The following AK3 variants were observed in gnomAD, a reference collection of about 807,000 sequenced individuals.
AK3 encodes the protein GTP:AMP phosphotransferase AK3, mitochondrial.
A neutral mutation model predicts 23.7 loss-of-function variants in AK3; 27 were observed. That is an observed-to-expected ratio of 1.14 (90% CI 0.84 to 1.57). The LOEUF (loss-of-function observed/expected upper bound fraction) is 1.57. AK3 is among the 40% of genes most tolerant of loss of function. AK3 has a pLI of 0.00. For missense variants in AK3, 406 were observed against 285.6 expected (o/e 1.42, Z -3.04); for synonymous variants, 159 against 116.0 (o/e 1.37, Z -2.38).
chr9:4,733,505 C>A (rs921189486), intron 1 of AK3, among the ~76,000 whole-genome samples: 3 of 152,116 alleles, frequency 2.0e-5, no homozygotes, highest in Non-Finnish European at 4.4e-5. Context: ...CATACACAGA[C>A]CTTATAATAC....
intron 4 of AK3, among the ~76,000 whole-genome samples, chr9:4,715,103 T>C (rs1243367400): frequency 6.7e-6 from 1 of 150,142 alleles, no homozygotes; most frequent in African/African-American, 2.5e-5. Context: ...CCTGTAGTCC[T>C]AGCTACTGGG....
intron 4 of AK3, among the ~76,000 whole-genome samples, chr9:4,714,741 T>C (rs1478222031): frequency 6.6e-6 from 1 of 152,220 alleles, no homozygotes; most frequent in African/African-American, 2.4e-5. Flanking sequence ...CATCATGTTG[T>C]TTGTAAACAT....
chr9:4,734,374 T>C (rs1842222158), intron 1 of AK3, among the ~76,000 whole-genome samples: 1 of 152,218 alleles, frequency 6.6e-6, no homozygotes, highest in African/African-American at 2.4e-5. Flanking sequence ...CTAACACACA[T>C]GTCCATCTGC....
intron 3 of AK3, 126 bp from the exon 4 acceptor site, chr9:4,718,663 T>TA (rs1171424956): frequency 1.3e-5 from 9 of 702,186 alleles, no homozygotes; most frequent in East Asian, 2.7e-5. Flanking sequence ...TGCTAACTTT[T>TA]AAAAAAATGG....
chr9:4,741,289 G>T (rs1587666504), upstream of AK3: 3 of 465,426 alleles, frequency 6.4e-6, no homozygotes, highest in Admixed American at 4.5e-5. Flanking sequence ...TCCGCCTCTC[G>T]GCTACCCCGG....
At position 4,718,502 on chromosome 9, in the gene AK3, C is replaced by A. The variant is rs1841798554; in HGVS notation, c.480G>T (p.Gln160His). Residue 160 changes from glutamine to histidine, a missense_variant, in exon 4 of 5, where the codon CAG becomes CAT. Gln to His is a conservative substitution (Grantham distance 24). Coordinates refer to ENST00000381809, the MANE Select transcript of AK3 (RefSeq NM_016282.4). Reference protein sequence around the residue: ...IDDLTGEPLIQREDDKPETVI... With the variant: ...IDDLTGEPLIHREDDKPETVI... ...CCGTCTCTGGTTTATCATCCTCACG[C>A]TGAATGAGAGGCTCCCCAGTCAGGT... The A allele has an allele frequency of 1.2e-6, 2 of 1,613,820 alleles. No individual in the cohort carries two copies. Among genetic ancestry groups the A allele is most frequent in the Non-Finnish European group, 1.7e-6 (2 of 1,179,820 alleles).
chr9:4,728,028 C>T lies in AK3; in HGVS notation c.152-5403G>A, dbSNP rs192264457. On this transcript the variant is annotated intron_variant, in intron 1 of 4. Transcript: ENST00000381809. ...CATCTTATATGGGTATAGTTCATGG[C>T]ACCCCAAAACAATTATAATAGTAAC... 5.9e-5 allele frequency among the ~76,000 whole-genome samples: 9 copies of T among 152,240 alleles called. No individual in the cohort carries two copies. The East Asian group carries it at 1.7e-3, about 29-fold the overall frequency.
chr9:4,735,587 C>G (rs1842272994), intron 1 of AK3, among the ~76,000 whole-genome samples: 1 of 146,390 alleles, frequency 6.8e-6, no homozygotes, highest in Admixed American at 7.0e-5. Context: ...AAGCCATTCT[C>G]CTGCCTCAGC....
At chr9:4,729,726 C>T (rs980469971) in intron 1 of AK3, among the ~76,000 whole-genome samples, 3 of 151,312 alleles carry the variant, frequency 2.0e-5, no homozygotes, top group African/African-American at 7.3e-5. Flanking sequence ...ACTTGGGAGG[C>T]TCAGGTGGGA....
chr9:4,739,790 G>C (rs991540900), intron 1 of AK3, among the ~76,000 whole-genome samples: 1 of 152,028 alleles, frequency 6.6e-6, no homozygotes, highest in Admixed American at 6.6e-5. Flanking sequence ...AATTAGCCCG[G>C]CGTGGTGGCA....
At chr9:4,730,145 G>A (rs1280067124) in intron 1 of AK3, among the ~76,000 whole-genome samples, 2 of 152,190 alleles carry the variant, frequency 1.3e-5, no homozygotes, top group Non-Finnish European at 2.9e-5. Context: ...GAGATGGAAA[G>A]AAGATTAGTA....
chr9:4,730,951 C>A (rs951196513), intron 1 of AK3, among the ~76,000 whole-genome samples: 2 of 151,942 alleles, frequency 1.3e-5, no homozygotes. Flanking sequence ...TGTGAACTTC[C>A]ACTTTGATAA....
intron 1 of AK3, among the ~76,000 whole-genome samples, chr9:4,726,287 C>G (rs1479110640): frequency 6.6e-6 from 1 of 152,138 alleles, no homozygotes; most frequent in African/African-American, 2.4e-5. Context: ...ACTGACTCTT[C>G]TTTTCACCAA....
chr9:4,726,542 T>A (rs533829821), intron 1 of AK3, among the ~76,000 whole-genome samples: 3 of 152,194 alleles, frequency 2.0e-5, no homozygotes, highest in Admixed American at 2.0e-4. Context: ...TCAAGTTTTA[T>A]GAGATTGCAG....
At chr9:4,717,854 G>A (rs900272308) in intron 4 of AK3, among the ~76,000 whole-genome samples, 7 of 152,212 alleles carry the variant, frequency 4.6e-5, no homozygotes, top group Admixed American at 1.3e-4. Context: ...TTATTAGGAT[G>A]TAATTTCATT....
chr9:4,710,805 G>A lies in AK3; in HGVS notation c.*2171C>T, dbSNP rs1841542132. ...CATACCTGTAGTTTCAGCTACTTGG[G>A]AGGCTGAGGTAGAAGAATTGCGTGA... is the stretch of plus-strand genomic sequence containing the variant. On this transcript the variant is annotated 3_prime_UTR_variant, in exon 5 of 5. Transcript: ENST00000381809. 6.6e-6 allele frequency: 1 copy of A among 152,110 alleles called. No individual in the cohort carries two copies. Among genetic ancestry groups the A allele is most frequent in the Admixed American group, 6.6e-5 (1 of 15,254 alleles). The allele number at this position is 152,110 out of a possible 1,614,324, so 9.4% of individuals were successfully genotyped here.
intron 4 of AK3, among the ~76,000 whole-genome samples, chr9:4,713,386 A>G (rs574671673): frequency 6.6e-6 from 1 of 152,318 alleles, no homozygotes; most frequent in East Asian, 1.9e-4. Flanking sequence ...TACATGCTTT[A>G]CATATTATAG....
chr9:4,728,878 C>T (rs1842081465), intron 1 of AK3, among the ~76,000 whole-genome samples: 2 of 70,460 alleles, frequency 2.8e-5, no homozygotes, highest in Non-Finnish European at 6.8e-5. Context: ...CACACACACA[C>T]ACACATACAT....
At chr9:4,737,628 A>C (rs1039487993) in intron 1 of AK3, among the ~76,000 whole-genome samples, 1 of 152,174 alleles carries the variant, frequency 6.6e-6, no homozygotes, top group Non-Finnish European at 1.5e-5. Context: ...CTGAAGCAGG[A>C]GAATCGCTTG....
Sources: allele counts gnomAD v4.1 joint callset (sites outside exome capture counted in the v4.1 genomes callset), GRCh38; gene constraint gnomAD v4.1.1; transcripts MANE v1.5; gene names NCBI Gene and HGNC (gene_info 2026-07-23, HGNC 2026-07-21).